Variants in PPM1D observed in about 807,000 individuals in gnomAD.
PPM1D encodes the protein protein phosphatase, Mg2+/Mn2+ dependent 1D.
Under a neutral mutation model 58.3 loss-of-function variants are expected in PPM1D, and 52 were observed. That is an observed-to-expected ratio of 0.89 (90% CI 0.71 to 1.12). PPM1D has a LOEUF of 1.12. Ranked by LOEUF, PPM1D falls within the 50% of genes most tolerant of loss-of-function variation. PPM1D has a pLI of 0.00. For missense variants in PPM1D, 564 were observed against 777.2 expected, an observed-to-expected ratio of 0.73 and a Z score of 3.26; for synonymous variants, 278 against 285.1, an observed-to-expected ratio of 0.98 and a Z score of 0.25.
intron 1 of PPM1D, among the ~76,000 whole-genome samples, chr17:60,602,425 A>C (rs575975758): frequency 1.4e-5 from 2 of 146,460 alleles, no homozygotes; most frequent in African/African-American, 5.0e-5. Flanking sequence ...TTAGTATTAA[A>C]TTTTTTTTTT....
At chr17:60,614,035 G>A (rs1028998873) in intron 1 of PPM1D, among the ~76,000 whole-genome samples, 8 of 152,366 alleles carry the variant, frequency 5.3e-5, no homozygotes, top group East Asian at 1.9e-4. Context: ...CGCAAGGCCC[G>A]GGACTGGCAG....
chr17:60,619,090 G>A (rs2030645307), intron 1 of PPM1D, among the ~76,000 whole-genome samples: 1 of 152,012 alleles, frequency 6.6e-6, no homozygotes, highest in African/African-American at 2.4e-5. Flanking sequence ...CTTTCCTTCT[G>A]TGACTTTTTC....
intron 3 of PPM1D, among the ~76,000 whole-genome samples, chr17:60,634,915 G>A (rs2030994799): frequency 6.6e-6 from 1 of 152,060 alleles, no homozygotes; most frequent in South Asian, 2.1e-4. Context: ...CGAGTAACTG[G>A]GACTACAGGT....
chr17:60,662,747 T>C (rs895910513), intron 5 of PPM1D, among the ~76,000 whole-genome samples: 1 of 152,234 alleles, frequency 6.6e-6, no homozygotes, highest in African/African-American at 2.4e-5. Context: ...TAGATTACTT[T>C]ATAATTTCAT....
intron 1 of PPM1D, among the ~76,000 whole-genome samples, chr17:60,619,615 A>C (rs150124275): frequency 6.6e-6 from 1 of 150,578 alleles, no homozygotes; most frequent in African/African-American, 2.4e-5. Context: ...TATTTTTTTA[A>C]TTTTTTTTTA....
intron 4 of PPM1D, among the ~76,000 whole-genome samples, chr17:60,648,773 T>C (rs984281374): frequency 1.1e-4 from 17 of 150,818 alleles, no homozygotes; most frequent in African/African-American, 3.9e-4. Flanking sequence ...TTTTTTTTTT[T>C]TTCTGACTGT....
chr17:60,656,551 G>A (rs1170164941), intron 4 of PPM1D, 48 bp from the exon 5 acceptor site: 2 of 1,594,670 alleles, frequency 1.3e-6, no homozygotes, highest in Admixed American at 1.7e-5. Flanking sequence ...AGATGTAGTG[G>A]CAGCTAAATC....
At chr17:60,605,056 A>G (rs2030301428) in intron 1 of PPM1D, among the ~76,000 whole-genome samples, 1 of 152,142 alleles carries the variant, frequency 6.6e-6, no homozygotes, top group South Asian at 2.1e-4. Context: ...TCTTGACCTC[A>G]AGTGATCCAT....
At chr17:60,603,211 A>G (rs2030257463) in intron 1 of PPM1D, among the ~76,000 whole-genome samples, 1 of 152,162 alleles carries the variant, frequency 6.6e-6, no homozygotes, top group Non-Finnish European at 1.5e-5. Flanking sequence ...GATTGTAGTA[A>G]TAGTTCTCAA....
intron 4 of PPM1D, among the ~76,000 whole-genome samples, chr17:60,655,704 CT>C (rs1301728335): frequency 3.5e-5 from 5 of 143,494 alleles, no homozygotes; most frequent in African/African-American, 1.4e-4. Context: ...CTTTTTCTTT[CT>C]TTCTTTTTTT....
intron 5 of PPM1D, chr17:60,657,097 A>G (rs1377716527): frequency 1.5e-6 from 2 of 1,337,164 alleles, no homozygotes; most frequent in Non-Finnish European, 1.9e-6. Flanking sequence ...TATGAACATT[A>G]TTTTTAAAGC....
chr17:60,658,648 CAAA>C (rs542643373), intron 5 of PPM1D, among the ~76,000 whole-genome samples: 4 of 67,418 alleles, frequency 5.9e-5, no homozygotes, highest in Admixed American at 1.8e-4. Context: ...AACCCCATCT[CAAA>C]AAAAAAAAAA....
At chr17:60,611,862 T>A (rs1340045801) in intron 1 of PPM1D, among the ~76,000 whole-genome samples, 2 of 152,334 alleles carry the variant, frequency 1.3e-5, no homozygotes, top group East Asian at 3.9e-4. Context: ...AATCATTTTC[T>A]TGATATCTCA....
At chr17:60,613,890 G>GCCCCCCCCCCCCCCC (rs61669650) in intron 1 of PPM1D, among the ~76,000 whole-genome samples, 1 of 137,366 alleles carries the variant, frequency 7.3e-6, no homozygotes, top group African/African-American at 2.9e-5. Flanking sequence ...CATACCTGAG[G>GCCCCCCCCCCCCCCC]CCCCCCCCCC....
Position 60,656,604 on chromosome 17 carries a change from G to A in PPM1D, c.1023G>A (p.Glu341=), listed in dbSNP as rs2031443609. The A allele has an allele frequency of 2.5e-6, 4 of 1,614,086 alleles. No homozygotes were observed. Among genetic ancestry groups the A allele is most frequent in the South Asian group, 1.1e-5 (1 of 91,072 alleles). ...CCTTGTTCTTTTGAATACAGGGTGA[G>A]CATGGACAATCTTGTGCCAAAATGC... is the stretch of plus-strand genomic sequence containing the variant. ...DQEEKKYLMG[E]HGQSCAKMLV... Residue 341 remains glutamate, a synonymous_variant, in exon 5 of 6, where the codon GAG becomes GAA. Coordinates refer to ENST00000305921, the MANE Select transcript of PPM1D (RefSeq NM_003620.4).
chr17:60,656,885 A>G, intron 5 of PPM1D, 44 bp downstream of exon 5: 2 of 1,612,156 alleles, frequency 1.2e-6, no homozygotes, highest in Non-Finnish European at 1.7e-6. Flanking sequence ...AATAGACACC[A>G]GTTCTTTGGT....
rs1313356020 is a variant in PPM1D at position 60,600,407 on chromosome 17, A to T, written c.-8A>T. ...GCGTGGGACCGGCGGGATCCCGGCCAGCCGGCCATGGCGGGGCTGTACTCG... is the reference window on the plus strand; with the variant it reads ...GCGTGGGACCGGCGGGATCCCGGCCTGCCGGCCATGGCGGGGCTGTACTCG... On this transcript the variant is annotated 5_prime_UTR_variant, in exon 1 of 6. Transcript: ENST00000305921. 1.3e-6 allele frequency: 2 copies of T among 1,541,876 alleles called. No individual in the cohort carries two copies. The highest frequency in any genetic ancestry group is 5.0e-5 in the East Asian group (2 of 40,196).
intron 1 of PPM1D, among the ~76,000 whole-genome samples, chr17:60,605,121 A>G (rs1332719826): frequency 6.6e-6 from 1 of 152,136 alleles, no homozygotes; most frequent in Non-Finnish European, 1.5e-5. Context: ...AATATTCTTA[A>G]GTGAAACTAG....
At chr17:60,655,246 A>C (rs1395461018) in intron 4 of PPM1D, among the ~76,000 whole-genome samples, 2 of 152,080 alleles carry the variant, frequency 1.3e-5, no homozygotes, top group Non-Finnish European at 2.9e-5. Flanking sequence ...AGAATCTCTT[A>C]TGTTAGAAGG....
Sources: gnomAD v4.1 joint callset for allele counts (sites outside exome capture counted in the v4.1 genomes callset) on GRCh38, gnomAD v4.1.1 for gene constraint, MANE v1.5 for transcripts, NCBI Gene and HGNC (gene_info 2026-07-23, HGNC 2026-07-21) for gene names.